Variants in PDE4D observed in about 807,000 individuals in gnomAD.
PDE4D encodes the protein phosphodiesterase 4D.
Under a neutral mutation model 87.4 loss-of-function variants are expected in PDE4D, and 24 were observed. The observed-to-expected ratio is 0.27, with a 90% confidence interval of 0.20 to 0.39. PDE4D has a LOEUF of 0.39. PDE4D is among the 10% of genes least tolerant of loss of function. The probability of loss-of-function intolerance (pLI) is 1.00; values close to 1 mark genes in which losing one functional copy is unlikely to be tolerated. For missense variants in PDE4D, 714 were observed against 1,041.0 expected, an observed-to-expected ratio of 0.69 and a Z score of 4.32; for synonymous variants, 384 against 383.2, an observed-to-expected ratio of 1.00 and a Z score of -0.02.
intron 1 of PDE4D, among the ~76,000 whole-genome samples, chr5:59,744,635 C>A (rs1287944729): frequency 6.6e-6 from 1 of 151,986 alleles, no homozygotes; most frequent in Non-Finnish European, 1.5e-5. Context: ...GCAGACAGAT[C>A]AAAGCATGTG....
intron 3 of PDE4D, among the ~76,000 whole-genome samples, chr5:59,957,373 C>CTT (rs571371722): frequency 6.9e-6 from 1 of 145,534 alleles, no homozygotes; most frequent in Admixed American, 6.9e-5. Context: ...TAAAGTTGCA[C>CTT]TTTTTTTTTT....
At chr5:59,581,009 T>C (rs1441043482) in intron 1 of PDE4D, among the ~76,000 whole-genome samples, 1 of 152,180 alleles carries the variant, frequency 6.6e-6, no homozygotes, top group Non-Finnish European at 1.5e-5. Flanking sequence ...AGTTGTAATA[T>C]ATTGTCTTGG....
chr5:60,029,465 C>T (rs764394004), intron 2 of PDE4D, among the ~76,000 whole-genome samples: 1 of 152,150 alleles, frequency 6.6e-6, no homozygotes, highest in African/African-American at 2.4e-5. Flanking sequence ...CAAGTTGTCC[C>T]GCCTTTCCAG....
chr5:60,217,868 A>C (rs1007677575), intron 1 of PDE4D, among the ~76,000 whole-genome samples: 8 of 151,992 alleles, frequency 5.3e-5, no homozygotes, highest in Non-Finnish European at 1.0e-4. Context: ...ATCCACCAGA[A>C]TCATTAAAAT....
intron 1 of PDE4D, among the ~76,000 whole-genome samples, chr5:59,285,150 C>A: frequency 2.3e-5 from 3 of 132,064 alleles, no homozygotes; most frequent in South Asian, 2.6e-4. Flanking sequence ...CAGCATGGCA[C>A]ATGTATACAT....
chr5:59,580,372 A>G (rs191334326), intron 1 of PDE4D, among the ~76,000 whole-genome samples: 262 of 152,354 alleles, frequency 1.7e-3, no homozygotes, highest in Non-Finnish European at 1.5e-3. Context: ...AACATATGGC[A>G]TGCAGAGGAG....
At chr5:59,532,751 G>A (rs1200875865) in intron 1 of PDE4D, among the ~76,000 whole-genome samples, 1 of 152,116 alleles carries the variant, frequency 6.6e-6, no homozygotes, top group Non-Finnish European at 1.5e-5. Context: ...AAGATATATG[G>A]GAAAATCTTA....
chr5:59,875,615 T>C (rs1481140643), intron 1 of PDE4D, among the ~76,000 whole-genome samples: 1 of 152,048 alleles, frequency 6.6e-6, no homozygotes, highest in African/African-American at 2.4e-5. Context: ...CTTGAGCTTT[T>C]CCCCACTGGC....
chr5:59,070,631 T>C (rs1317891029), intron 5 of PDE4D, among the ~76,000 whole-genome samples: 1 of 152,208 alleles, frequency 6.6e-6, no homozygotes, highest in Non-Finnish European at 1.5e-5. Flanking sequence ...AAAGAAAAAC[T>C]ATAAGCAGCT....
chr5:59,745,886 C>T (rs965599411), intron 1 of PDE4D, among the ~76,000 whole-genome samples: 1 of 152,144 alleles, frequency 6.6e-6, no homozygotes, highest in African/African-American at 2.4e-5. Context: ...TAAGAACCAA[C>T]AATTCAAACT....
At chr5:59,393,610 G>A (rs1162329744) in intron 1 of PDE4D, among the ~76,000 whole-genome samples, 2 of 152,118 alleles carry the variant, frequency 1.3e-5, no homozygotes, top group South Asian at 2.1e-4. Context: ...CAATATTTAG[G>A]GACGTTCCTC....
chr5:59,514,946 C>T (rs576036723), intron 1 of PDE4D, among the ~76,000 whole-genome samples: 1 of 152,256 alleles, frequency 6.6e-6, no homozygotes, highest in South Asian at 2.1e-4. Flanking sequence ...AAAGTCTAAA[C>T]CAAATGTTAG....
rs145762657 is a variant in PDE4D at position 59,315,123 on chromosome 5, C to T, written c.456-99155G>A. ...GTTTTTCTTTTCTTGTTTTCCTTTT[C>T]GCCCAATAAATAATAAATTCCATTC... On this transcript the variant is annotated intron_variant, in intron 1 of 14. Transcript: ENST00000340635. Among the ~76,000 whole-genome samples the T allele has an allele frequency of 7.3e-4, 111 of 152,250 alleles. 1 individual carries two copies. The highest frequency in any genetic ancestry group is 3.9e-3 in the East Asian group (20 of 5,172).
intron 12 of PDE4D, 139 bp from the exon 13 acceptor site, chr5:58,976,611 G>C (rs1373724314): frequency 1.5e-6 from 1 of 680,938 alleles, no homozygotes; most frequent in Non-Finnish European, 2.4e-6. Context: ...ACTACTCCTT[G>C]GGGGCAGAGT....
intron 1 of PDE4D, among the ~76,000 whole-genome samples, chr5:59,875,970 G>C (rs775610955): frequency 1.1e-4 from 17 of 152,160 alleles, no homozygotes; most frequent in Non-Finnish European, 2.5e-4. Context: ...AGGCTGGAGG[G>C]TGGGAGGAGG....
At chr5:60,412,950 G>A (rs954780505) in intron 1 of PDE4D, among the ~76,000 whole-genome samples, 1 of 152,124 alleles carries the variant, frequency 6.6e-6, no homozygotes, top group Admixed American at 6.5e-5. Flanking sequence ...TAATGACTAG[G>A]TGAATATTAA....
At chr5:59,259,814 C>T (rs1362874582) in intron 1 of PDE4D, among the ~76,000 whole-genome samples, 2 of 151,686 alleles carry the variant, frequency 1.3e-5, no homozygotes, top group Non-Finnish European at 3.0e-5. Flanking sequence ...CAGAAATATC[C>T]TAAGGGACCA....
intron 1 of PDE4D, among the ~76,000 whole-genome samples, chr5:59,329,312 T>A (rs558518750): frequency 6.6e-6 from 1 of 152,296 alleles, no homozygotes; most frequent in South Asian, 2.1e-4. Flanking sequence ...ATAGAACAGA[T>A]GGGAATTCCC....
At chr5:59,057,249 T>G (rs1174531459) in intron 5 of PDE4D, among the ~76,000 whole-genome samples, 1 of 152,150 alleles carries the variant, frequency 6.6e-6, no homozygotes, top group Non-Finnish European at 1.5e-5. Flanking sequence ...GTGAGGGACC[T>G]TACAAACACT....
Sources: allele counts gnomAD v4.1 joint callset (sites outside exome capture counted in the v4.1 genomes callset), GRCh38; gene constraint gnomAD v4.1.1; transcripts MANE v1.5; gene names NCBI Gene and HGNC (gene_info 2026-07-23, HGNC 2026-07-21).